MNAT1: variants seen among roughly 807,000 people sequenced by gnomAD.
MNAT1 encodes the protein MNAT1 component of CDK activating kinase.
A neutral mutation model predicts 42.0 loss-of-function variants in MNAT1; 43 were observed. That is an observed-to-expected ratio of 1.02 (90% confidence interval 0.80 to 1.32). The LOEUF (loss-of-function observed/expected upper bound fraction) is 1.32, where lower values mean the gene tolerates loss of function less well. Among genes scored for constraint, MNAT1 ranks in the 40% most tolerant of loss-of-function variants. The pLI, the probability that MNAT1 is intolerant of heterozygous loss-of-function variation, is 0.00. For missense variants in MNAT1, 306 were observed against 350.4 expected, an observed-to-expected ratio of 0.87 and a Z score of 1.01; for synonymous variants, 118 against 120.0, an observed-to-expected ratio of 0.98 and a Z score of 0.11.
At chr14:60,829,356 C>T (rs763241925) in intron 6 of MNAT1, among the ~76,000 whole-genome samples, 3 of 152,010 alleles carry the variant, frequency 2.0e-5, no homozygotes, top group Non-Finnish European at 2.9e-5. Context: ...CTTATATATT[C>T]CTATATTTCT....
chr14:60,824,097 C>A (rs576273185), intron 6 of MNAT1, among the ~76,000 whole-genome samples: 6 of 152,104 alleles, frequency 3.9e-5, no homozygotes, highest in African/African-American at 1.4e-4. Flanking sequence ...GCAGAGGTTG[C>A]AGTAAGCTGA....
intron 1 of MNAT1, among the ~76,000 whole-genome samples, chr14:60,761,380 C>A (rs1424956541): frequency 6.6e-6 from 1 of 152,154 alleles, no homozygotes; most frequent in African/African-American, 2.4e-5. Flanking sequence ...GGGTAACCTT[C>A]AAGTAGGAAC....
chr14:60,932,311 G>A (rs1012227977), intron 7 of MNAT1, among the ~76,000 whole-genome samples: 2 of 151,940 alleles, frequency 1.3e-5, no homozygotes, highest in African/African-American at 4.8e-5. Context: ...TAAAACTACA[G>A]CAGCCTTAAA....
intron 1 of MNAT1, among the ~76,000 whole-genome samples, chr14:60,787,031 G>A (rs1011971543): frequency 1.3e-5 from 2 of 152,188 alleles, no homozygotes; most frequent in African/African-American, 4.8e-5. Context: ...GTAAAGGTCT[G>A]TATGCAAATG....
intron 5 of MNAT1, among the ~76,000 whole-genome samples, chr14:60,817,186 TA>T (rs1185443269): frequency 9.2e-5 from 14 of 151,948 alleles, no homozygotes; most frequent in South Asian, 2.1e-4. Context: ...TTTTAAAAGA[TA>T]TTTTTTTGAT....
At chr14:60,788,276 C>T (rs1251821939) in intron 1 of MNAT1, among the ~76,000 whole-genome samples, 1 of 152,026 alleles carries the variant, frequency 6.6e-6, no homozygotes, top group Non-Finnish European at 1.5e-5. Context: ...ATCTTTTTTT[C>T]CGAGCAATAG....
In MNAT1 at chr14:60,862,673, T is replaced by C. The variant is rs562346369; in HGVS notation, c.688-17041T>C. Among the ~76,000 whole-genome samples the C allele has an allele frequency of 4.6e-5, 7 of 152,322 alleles. No individual in the cohort carries two copies. In the South Asian group the frequency reaches 1.4e-3, roughly 32 times the overall value. ...TTACTTGAGATTCAAAAATCAATGT[T>C]AACTTAAAACATTAAAAAGATGGAA... On this transcript the variant is annotated intron_variant, in intron 6 of 7. Transcript: ENST00000261245.
intron 1 of MNAT1, among the ~76,000 whole-genome samples, chr14:60,738,145 C>T (rs1173110276): frequency 1.3e-5 from 2 of 150,628 alleles, no homozygotes; most frequent in Admixed American, 1.3e-4. Context: ...TTCCTATTGC[C>T]ACACAACTTT....
chr14:60,918,315 T>A (rs2139545346), intron 7 of MNAT1, among the ~76,000 whole-genome samples: 1 of 146,524 alleles, frequency 6.8e-6, no homozygotes, highest in Admixed American at 7.0e-5. Flanking sequence ...TTCACGCCAT[T>A]CTCCTGCCTC....
rs891896683 is a variant in MNAT1 at position 60,759,645 on chromosome 14, C to A, written c.89+24694C>A. 2.6e-5 allele frequency among the ~76,000 whole-genome samples: 4 copies of A among 152,138 alleles called. No homozygotes were observed. The East Asian group carries it at 7.7e-4, about 29-fold the overall frequency. ...CTTTGAATAGAAGGTATACCAATAA[C>A]CTTCTCAAAAGGAGACTTTTCCTGT... On this transcript the variant is annotated intron_variant, in intron 1 of 7. Coordinates refer to ENST00000261245, the MANE Select transcript of MNAT1 (RefSeq NM_002431.4).
chr14:60,958,693 G>A (rs1003895756), intron 7 of MNAT1, among the ~76,000 whole-genome samples: 4 of 125,810 alleles, frequency 3.2e-5, no homozygotes, highest in Admixed American at 9.7e-5. Flanking sequence ...CTGGAGTGCA[G>A]TGGCGCGATC....
chr14:60,820,748 T>TATAA (rs1205574614), intron 6 of MNAT1, among the ~76,000 whole-genome samples: 2 of 152,160 alleles, frequency 1.3e-5, no homozygotes, highest in African/African-American at 4.8e-5. Context: ...TAATCTAGTC[T>TATAA]ATAAGCCTTT....
rs571549134 is a variant in MNAT1, at chr14:60,791,228, G to A, written c.90-4989G>A. 4.7e-4 allele frequency among the ~76,000 whole-genome samples: 71 copies of A among 152,246 alleles called. 1 individual carries two copies. The Middle Eastern group carries it at 0.02, about 44-fold the overall frequency. On this transcript the variant is annotated intron_variant, in intron 1 of 7. Transcript: ENST00000261245. Reference sequence around the variant, plus strand: ...CTATGCTAAATGATAATAGCCAACAGAAGATTGATTAGACATTAATTTTGA... The same window carrying A: ...CTATGCTAAATGATAATAGCCAACAAAAGATTGATTAGACATTAATTTTGA...
At chr14:60,964,413 C>G (rs957312154) in intron 7 of MNAT1, among the ~76,000 whole-genome samples, 8 of 152,118 alleles carry the variant, frequency 5.3e-5, no homozygotes, top group Non-Finnish European at 1.0e-4. Context: ...GACATGCTTT[C>G]AAAAACATAC....
chr14:60,965,476 A>G (rs1315834789), intron 7 of MNAT1, among the ~76,000 whole-genome samples: 1 of 152,228 alleles, frequency 6.6e-6, no homozygotes, highest in Non-Finnish European at 1.5e-5. Flanking sequence ...TTTTCCTGCC[A>G]GCAGTGCAGC....
At chr14:60,741,553 G>A (rs1041959081) in intron 1 of MNAT1, among the ~76,000 whole-genome samples, 2 of 150,824 alleles carry the variant, frequency 1.3e-5, no homozygotes, top group African/African-American at 4.9e-5. Context: ...TAGAGACAGG[G>A]TTTCACTGTG....
At chr14:60,832,468 G>C (rs1052606227) in intron 6 of MNAT1, among the ~76,000 whole-genome samples, 1 of 152,120 alleles carries the variant, frequency 6.6e-6, no homozygotes, top group Non-Finnish European at 1.5e-5. Flanking sequence ...TGTCAGGTTT[G>C]TCAAAGATCA....
At chr14:60,848,420 G>A (rs2033733780) in intron 6 of MNAT1, among the ~76,000 whole-genome samples, 1 of 152,122 alleles carries the variant, frequency 6.6e-6, no homozygotes, top group Admixed American at 6.5e-5. Flanking sequence ...GCTTTAGCAT[G>A]AACTGGTAGT....
At chr14:60,759,369 G>C (rs1395916579) in intron 1 of MNAT1, among the ~76,000 whole-genome samples, 3 of 152,066 alleles carry the variant, frequency 2.0e-5, no homozygotes, top group South Asian at 4.1e-4. Flanking sequence ...AATTAATTTT[G>C]TTTGGCCCTG....
Sources: gnomAD v4.1 joint callset for allele counts (sites outside exome capture counted in the v4.1 genomes callset) on GRCh38, gnomAD v4.1.1 for gene constraint, MANE v1.5 for transcripts, NCBI Gene and HGNC (gene_info 2026-07-23, HGNC 2026-07-21) for gene names.